Variants in BMX observed in about 807,000 individuals in gnomAD.
The protein encoded by BMX is BMX non-receptor tyrosine kinase, also known as cytoplasmic tyrosine-protein kinase BMX.
BMX carries 31 observed loss-of-function variants against 59.2 expected under a neutral mutation model. The observed-to-expected ratio is 0.52, with a 90% confidence interval of 0.39 to 0.71. BMX has a LOEUF of 0.71. Ranked by LOEUF, BMX falls within the 30% of genes least tolerant of loss-of-function variation. The probability of loss-of-function intolerance (pLI) is 0.00; values close to 1 mark genes in which losing one functional copy is unlikely to be tolerated. For missense variants in BMX, 474 were observed against 491.7 expected, an observed-to-expected ratio of 0.96 and a Z score of 0.34; for synonymous variants, 185 against 181.0, an observed-to-expected ratio of 1.02 and a Z score of -0.18.
rs188270520 is a variant in BMX, at chrX:15,522,828, C to A, written c.752+241C>A. On this transcript the variant is annotated intron_variant, in intron 7 of 18. Coordinates refer to ENST00000348343, the MANE Select transcript of BMX (RefSeq NM_203281.3). ...ATGCCTGATCATTGTATTCCCTTCC[C>A]TTTCTCCTCCTTCTCCCCCCAAATA... 5.9e-3 allele frequency among the ~76,000 whole-genome samples: 659 copies of A among 112,158 alleles called. 5 individuals carry two copies. Among genetic ancestry groups the A allele is most frequent in the Non-Finnish European group, 9.5e-3 (504 of 53,209 alleles).
intron 12 of BMX, among the ~76,000 whole-genome samples, chrX:15,536,127 T>A (rs1356709970): frequency 8.9e-6 from 1 of 112,511 alleles, no homozygotes; most frequent in Non-Finnish European, 1.9e-5. Flanking sequence ...ATGGGATTTT[T>A]AAAAATCACA....
rs1924240353 is a variant in BMX, at chrX:15,517,979, T to C, written c.496T>C (p.Phe166Leu). The C allele has an allele frequency of 5.0e-6, 6 of 1,206,067 alleles. No individual in the cohort carries two copies. The highest frequency in any genetic ancestry group is 6.7e-6 in the Non-Finnish European group (6 of 891,551). ...VNEEKHRVPT[F>L]PDRVLKIPRA... is the part of the protein sequence containing the mutation. ...TGAAGAGAAACACAGAGTTCCCACC[T>C]TCCCAGACAGAGTGGTAAGTCAACA... Residue 166 changes from phenylalanine (F) to leucine (L), a missense_variant, in exon 6 of 19, where the codon TTC becomes CTC. Physicochemically the swap from Phe to Leu is conservative, Grantham distance 22 (BLOSUM62 0). Transcript: ENST00000348343.
intron 8 of BMX, among the ~76,000 whole-genome samples, 190 bp downstream of exon 8, chrX:15,525,555 AT>A (rs1458669303): frequency 8.9e-6 from 1 of 111,856 alleles, no homozygotes; most frequent in African/African-American, 3.2e-5. Flanking sequence ...TGAACTGACT[AT>A]TCCTAGCCAG....
rs1037627698 is a variant in BMX at position 15,555,348 on chromosome X, A to G, written c.1954-725A>G. Among the ~76,000 whole-genome samples the G allele has an allele frequency of 4.6e-5, 5 of 108,011 alleles. 1 individual carries two copies. The East Asian group carries it at 1.2e-3, about 25-fold the overall frequency. 93.8% of individuals were successfully genotyped at this position (108,011 alleles called of 115,157 possible). ...CCCACCCTCCCGAGTAGCTTGGACT[A>G]CAGTTGTGCACAACCACAGCTGGCT... On this transcript the variant is annotated intron_variant, in intron 18 of 18. Transcript: ENST00000348343.
At chrX:15,522,091 C>G (rs1008583821) in intron 6 of BMX, among the ~76,000 whole-genome samples, 1 of 111,324 alleles carries the variant, frequency 9.0e-6, no homozygotes, top group Non-Finnish European at 1.9e-5. Context: ...TTACTAGATT[C>G]TGCAAACAAA....
intron 11 of BMX, 133 bp downstream of exon 11, chrX:15,531,540 G>A: frequency 3.5e-6 from 2 of 567,306 alleles, no homozygotes; most frequent in South Asian, 6.5e-5. Flanking sequence ...TCTATTGAAT[G>A]TGACCATTTG....
At chrX:15,551,627 T>G (rs1774544817) in intron 18 of BMX, among the ~76,000 whole-genome samples, 1 of 110,505 alleles carries the variant, frequency 9.0e-6, no homozygotes, top group Non-Finnish European at 1.9e-5. Context: ...TTAAATAGTT[T>G]CTAAACTCTT....
At chrX:15,531,509 G>A (rs1416255883) in intron 11 of BMX, 102 bp downstream of exon 11, 2 of 706,384 alleles carry the variant, frequency 2.8e-6, no homozygotes, top group African/African-American at 2.2e-5. Flanking sequence ...TTTAAACTCT[G>A]GAATTTTAAA....
intron 9 of BMX, among the ~76,000 whole-genome samples, chrX:15,526,778 G>GT (rs1217346474): frequency 9.2e-6 from 1 of 109,251 alleles, no homozygotes; most frequent in African/African-American, 3.3e-5. Context: ...TAGAGACAGG[G>GT]TTTCGCCATG....
At chrX:15,553,677 C>T (rs1209336206) in intron 18 of BMX, among the ~76,000 whole-genome samples, 2 of 112,115 alleles carry the variant, frequency 1.8e-5, no homozygotes, top group Admixed American at 9.4e-5. Flanking sequence ...CTAAGATTAT[C>T]AGGCAGCACT....
chrX:15,548,733 A>G (rs1370568271), intron 17 of BMX, among the ~76,000 whole-genome samples: 1 of 112,272 alleles, frequency 8.9e-6, no homozygotes, highest in East Asian at 2.8e-4. Flanking sequence ...ATATTTTGAA[A>G]TAAGTGTGTA....
intron 1 of BMX, among the ~76,000 whole-genome samples, chrX:15,501,220 C>T (rs904438311): frequency 8.9e-6 from 1 of 111,886 alleles, no homozygotes; most frequent in Non-Finnish European, 1.9e-5. Context: ...TATGTATCAC[C>T]ACCAGTTCTA....
At chrX:15,555,201 C>CTTTT (rs34118728) in intron 18 of BMX, among the ~76,000 whole-genome samples, 436 of 41,556 alleles carry the variant, frequency 0.01, 39 homozygotes, top group East Asian at 0.039. Flanking sequence ...ACGAGGGAAG[C>CTTTT]TTTTTTTTTT....
intron 11 of BMX, among the ~76,000 whole-genome samples, chrX:15,532,698 T>G (rs908844166): frequency 8.9e-6 from 1 of 112,565 alleles, no homozygotes; most frequent in Admixed American, 9.4e-5. Flanking sequence ...AAAAACGTTA[T>G]TTTATTTTGA....
At chrX:15,509,857 G>A (rs1182384990) in intron 3 of BMX, among the ~76,000 whole-genome samples, 1 of 111,856 alleles carries the variant, frequency 8.9e-6, no homozygotes, top group African/African-American at 3.3e-5. Flanking sequence ...TCAGCAGAAT[G>A]CATCCATGGA....
intron 12 of BMX, 61 bp from the exon 13 acceptor site, chrX:15,536,292 T>C (rs1180969661): frequency 8.9e-7 from 1 of 1,117,855 alleles, no homozygotes; most frequent in African/African-American, 1.8e-5. Context: ...TGAACCAATG[T>C]TACATAATGT....
chrX:15,545,547 A>G (rs893971867), intron 16 of BMX, among the ~76,000 whole-genome samples: 9 of 111,887 alleles, frequency 8.0e-5, no homozygotes, highest in Admixed American at 6.6e-4. Flanking sequence ...GAGTATTCTT[A>G]GAGGAAGGTC....
At chrX:15,529,908 T>A (rs780133036) in intron 9 of BMX, 65 bp from the exon 10 acceptor site, 1 of 1,009,250 alleles carries the variant, frequency 9.9e-7, no homozygotes, top group African/African-American at 1.9e-5. Context: ...GATTAGAAAG[T>A]TGAGTGTCAA....
rs1201983071 is a variant in BMX, at chrX:15,556,324, A to G, written c.*177A>G. ...AACAAAAGATTCCCTTGAAATTTAG[A>G]TCAAATTAGTAATTTTGTTTATGCT... On this transcript the variant is annotated 3_prime_UTR_variant, in exon 19 of 19. Transcript: ENST00000348343. 2.4e-6 allele frequency: 1 copy of G among 412,068 alleles called. No individual in the cohort carries two copies. Among genetic ancestry groups the G allele is most frequent in the East Asian group, 4.5e-5 (1 of 22,289 alleles). The allele number at this position is 412,068 out of a possible 1,213,427, so 34.0% of individuals were successfully genotyped here.
Sources: gnomAD v4.1 joint callset for allele counts (sites outside exome capture counted in the v4.1 genomes callset) on GRCh38, gnomAD v4.1.1 for gene constraint, MANE v1.5 for transcripts, NCBI Gene and HGNC (gene_info 2026-07-23, HGNC 2026-07-21) for gene names.